CCR5AS: variants seen among roughly 807,000 people sequenced by gnomAD.
CCR5AS encodes the protein CCR5 antisense RNA.
intron 1 of CCR5AS, among the ~76,000 whole-genome samples, chr3:46,401,843 T>C (rs919271963): frequency 3.3e-5 from 5 of 151,392 alleles, no homozygotes; most frequent in Admixed American, 2.6e-4. Flanking sequence ...AGTATTTGTA[T>C]GTCTAAGGAA....
chr3:46,373,416 G>A, intron 2 of CCR5AS: 1 of 1,612,466 alleles, frequency 6.2e-7, no homozygotes, highest in Non-Finnish European at 8.5e-7. Flanking sequence ...ATCTCAAAAA[G>A]AAGGTCTTCA....
rs113471490 is a variant in CCR5AS, at chr3:46,373,007, G to A, written n.392-1590C>T. On this transcript the variant is annotated intron_variant and non_coding_transcript_variant, in intron 2 of 3. Transcript: ENST00000451485. Reference sequence around the variant, plus strand: ...AAATCGCAGCCCGCCTCCTGCCTCCGCTCTACTCACTGGTGTTCATCTTTG... The same window carrying A: ...AAATCGCAGCCCGCCTCCTGCCTCCACTCTACTCACTGGTGTTCATCTTTG... The A allele has an allele frequency of 4.3e-5, 70 of 1,614,058 alleles. No individual in the cohort carries two copies. In the African/African-American group the frequency reaches 5.3e-4, roughly 12 times the overall value.
chr3:46,382,388 G>A (rs143122982), intron 2 of CCR5AS, among the ~76,000 whole-genome samples: 122 of 152,274 alleles, frequency 8.0e-4, no homozygotes, highest in Non-Finnish European at 1.3e-3. Context: ...GCATTTTACC[G>A]TGAAACTGGG....
intron 3 of CCR5AS, among the ~76,000 whole-genome samples, chr3:46,368,304 A>G (rs1279240011): frequency 6.6e-6 from 1 of 152,222 alleles, no homozygotes; most frequent in African/African-American, 2.4e-5. Context: ...ATAAAAAGAG[A>G]ACAAGAGCCA....
intron 1 of CCR5AS, among the ~76,000 whole-genome samples, chr3:46,396,162 G>T (rs1701960322): frequency 6.6e-6 from 1 of 152,138 alleles, no homozygotes; most frequent in South Asian, 2.1e-4. Context: ...ATGCTACTTT[G>T]TGTATTAATT....
chr3:46,399,022 A>C (rs1403565855), intron 1 of CCR5AS, among the ~76,000 whole-genome samples: 1 of 152,202 alleles, frequency 6.6e-6, no homozygotes, highest in Non-Finnish European at 1.5e-5. Flanking sequence ...GAGATATTAG[A>C]GGAGGGAAGA....
intron 2 of CCR5AS, chr3:46,374,054 CT>C: frequency 1.1e-6 from 1 of 882,966 alleles, no homozygotes; most frequent in Non-Finnish European, 1.7e-6. Flanking sequence ...TGGGAGAGGT[CT>C]TTTTTAAAAG....
intron 2 of CCR5AS, among the ~76,000 whole-genome samples, chr3:46,388,492 TAG>T (rs1365923338): frequency 6.6e-6 from 1 of 152,128 alleles, no homozygotes; most frequent in Non-Finnish European, 1.5e-5. Flanking sequence ...GACATCCAAT[TAG>T]AGAGTGCCCA....
intron 2 of CCR5AS, chr3:46,373,906 C>G (rs1800944): frequency 4.4e-6 from 7 of 1,607,242 alleles, no homozygotes; most frequent in Non-Finnish European, 6.0e-6. Flanking sequence ...CCCGAGCGAG[C>G]AAGCTCAGTT....
intron 1 of CCR5AS, among the ~76,000 whole-genome samples, chr3:46,398,356 T>C (rs548119802): frequency 6.6e-6 from 1 of 152,250 alleles, no homozygotes; most frequent in African/African-American, 2.4e-5. Context: ...CACACTCACA[T>C]TGAAACTGCA....
At chr3:46,373,857 C>T (rs374959868) in intron 2 of CCR5AS, 51 of 1,613,856 alleles carry the variant, frequency 3.2e-5, no homozygotes, top group Admixed American at 3.3e-5. Context: ...CATTGCCAAA[C>T]GCTTCTGCAA....
intron 1 of CCR5AS, among the ~76,000 whole-genome samples, chr3:46,396,375 C>T (rs1055171015): frequency 2.0e-5 from 3 of 152,086 alleles, no homozygotes; most frequent in Non-Finnish European, 2.9e-5. Context: ...TCAGTGTGCC[C>T]ACATGTGGGT....
intron 2 of CCR5AS, among the ~76,000 whole-genome samples, chr3:46,388,122 G>T (rs1701878671): frequency 6.6e-6 from 1 of 152,218 alleles, no homozygotes; most frequent in Non-Finnish European, 1.5e-5. Flanking sequence ...TCAGAGGCCT[G>T]ACATTCCTGT....
intron 1 of CCR5AS, among the ~76,000 whole-genome samples, chr3:46,399,566 T>C (rs1444703617): frequency 6.6e-6 from 1 of 152,004 alleles, no homozygotes; most frequent in Non-Finnish European, 1.5e-5. Flanking sequence ...CTGAATAATC[T>C]AATAGAGAGG....
At chr3:46,384,716 T>G (rs1348307566) in intron 2 of CCR5AS, among the ~76,000 whole-genome samples, 1 of 152,136 alleles carries the variant, frequency 6.6e-6, no homozygotes, top group African/African-American at 2.4e-5. Flanking sequence ...TAGAAGCTAC[T>G]GAGTGGAGCA....
intron 1 of CCR5AS, among the ~76,000 whole-genome samples, chr3:46,395,368 G>A (rs901568493): frequency 7.9e-5 from 12 of 152,108 alleles, no homozygotes; most frequent in Admixed American, 3.9e-4. Context: ...AGTGGATGCC[G>A]TAGGGGTGGA....
chr3:46,375,701 T>G (rs1701746407), intron 2 of CCR5AS: 1 of 166,678 alleles, frequency 6.0e-6, no homozygotes, highest in Non-Finnish European at 1.5e-5. Flanking sequence ...CCAGATGCCT[T>G]CTCCAGACAA....
intron 2 of CCR5AS, chr3:46,372,732 C>A: frequency 1.8e-6 from 1 of 542,754 alleles, no homozygotes; most frequent in Non-Finnish European, 3.2e-6. Flanking sequence ...CTTCCCTTCA[C>A]TACAAAACTT....
At chr3:46,407,037 A>G (rs1438518816) in exon 1 of CCR5AS, 1 of 152,626 alleles carries the variant, frequency 6.6e-6, no homozygotes, top group Non-Finnish European at 1.5e-5. Context: ...CCCTGCTGAC[A>G]GTAGCTGGTA....
Sources: gnomAD v4.1 joint callset for allele counts (sites outside exome capture counted in the v4.1 genomes callset) on GRCh38, gnomAD v4.1.1 for gene constraint, MANE v1.5 for transcripts, NCBI Gene and HGNC (gene_info 2026-07-23, HGNC 2026-07-21) for gene names.